Variants in ZHX3 observed in about 807,000 individuals in gnomAD.
The protein encoded by ZHX3 is zinc fingers and homeoboxes 3, also known as zinc fingers and homeoboxes protein 3.
A neutral mutation model predicts 64.5 loss-of-function variants in ZHX3; 20 were observed. The ratio of observed to expected loss-of-function variants is 0.31; its 90% CI spans 0.22 to 0.45. The LOEUF is 0.45. ZHX3 is among the 20% of genes least tolerant of loss of function. The pLI is 1.00. For missense variants in ZHX3, 1,041 were observed against 1,195.8 expected (o/e 0.87, Z 1.91); for synonymous variants, 423 against 461.6 (o/e 0.92, Z 1.07).
chr20:41,299,191 T>G (rs2044688468), intron 1 of ZHX3, among the ~76,000 whole-genome samples: 1 of 152,214 alleles, frequency 6.6e-6, no homozygotes, highest in African/African-American at 2.4e-5. Context: ...TGCTATTACA[T>G]TTACTTGGGC....
At chr20:41,316,490 C>G (rs999247047) in intron 1 of ZHX3, among the ~76,000 whole-genome samples, 6 of 152,146 alleles carry the variant, frequency 3.9e-5, no homozygotes, top group African/African-American at 1.4e-4. Flanking sequence ...ATTGAGATAA[C>G]AACACACAAG....
chr20:41,202,116 A>C lies in ZHX3; in HGVS notation c.2801T>G (p.Val934Gly), dbSNP rs924953853. Residue 934 changes from valine to glycine, a missense_variant, in exon 3 of 4, where the codon GTC becomes GGC. By Grantham distance (109) the Val-to-Gly change is moderately radical (BLOSUM62 -3). Around this residue, in one of 4 missense-constraint regions of ZHX3, gnomAD observed 649 missense variants for 739.8 expected, o/e 0.88. Coordinates refer to ENST00000683867, the MANE Select transcript of ZHX3 (RefSeq NM_001384317.1). The surrounding 1 kb of genome is among the most constrained non-coding windows in gnomAD (Gnocchi z 7.0). Reference protein sequence around the residue: ...SENSESWEPRVPEASSEPFDT... With the variant: ...SENSESWEPRGPEASSEPFDT... ...AAAGGGCTCTGAGCTGGCCTCAGGG[A>C]CACGGGGCTCCCACGACTCACTGTT... 2 of 1,613,708 alleles carry C rather than the reference A, an allele frequency of 1.2e-6. No homozygotes were observed. Among genetic ancestry groups the C allele is most frequent in the African/African-American group, 2.7e-5 (2 of 74,898 alleles).
At chr20:41,225,020 T>C (rs901611420) in intron 2 of ZHX3, among the ~76,000 whole-genome samples, 3 of 152,240 alleles carry the variant, frequency 2.0e-5, no homozygotes, top group African/African-American at 7.2e-5. Context: ...CCGTAGCATA[T>C]AGCACAATGT....
At chr20:41,293,726 T>C (rs1018514419) in intron 1 of ZHX3, among the ~76,000 whole-genome samples, 4 of 152,198 alleles carry the variant, frequency 2.6e-5, no homozygotes, top group Non-Finnish European at 4.4e-5. Flanking sequence ...AAAGAATGGC[T>C]GAACTGAAGG....
intron 2 of ZHX3, among the ~76,000 whole-genome samples, chr20:41,247,781 TATC>T: frequency 6.6e-6 from 1 of 152,298 alleles, no homozygotes; most frequent in South Asian, 2.1e-4. Flanking sequence ...CTAGAGCACA[TATC>T]ATTGTCTTCA....
At chr20:41,267,126 C>T (rs919075941) in intron 2 of ZHX3, among the ~76,000 whole-genome samples, 2 of 152,138 alleles carry the variant, frequency 1.3e-5, no homozygotes, top group African/African-American at 4.8e-5. Context: ...GGATTACAGG[C>T]GTGAGCCACC....
chr20:41,277,377 G>T (rs76585768), intron 1 of ZHX3, among the ~76,000 whole-genome samples: 4 of 152,100 alleles, frequency 2.6e-5, no homozygotes, highest in African/African-American at 7.2e-5. Flanking sequence ...TTAATGGCAC[G>T]AAGTCAGTTT....
intron 2 of ZHX3, among the ~76,000 whole-genome samples, chr20:41,246,923 A>G (rs2041726169): frequency 6.6e-6 from 1 of 151,856 alleles, no homozygotes; most frequent in Non-Finnish European, 1.5e-5. Flanking sequence ...ACTAATATCT[A>G]AATATTAGCA....
intron 2 of ZHX3, among the ~76,000 whole-genome samples, chr20:41,253,051 C>T (rs2042065078): frequency 6.6e-6 from 1 of 152,156 alleles, no homozygotes; most frequent in African/African-American, 2.4e-5. Flanking sequence ...CAAAGCCAAC[C>T]TTGACCTTAA....
chr20:41,310,078 C>T (rs564296836), intron 1 of ZHX3, among the ~76,000 whole-genome samples: 1 of 152,300 alleles, frequency 6.6e-6, no homozygotes, highest in African/African-American at 2.4e-5. Context: ...ATACCTTTAG[C>T]TATCACGTTA....
chr20:41,201,536 G>C lies in ZHX3; in HGVS notation c.2860+521C>G, dbSNP rs1416396637. Among the ~76,000 whole-genome samples, 1 of 152,232 alleles carries C rather than the reference G, an allele frequency of 6.6e-6. No homozygotes were observed. The highest frequency in any genetic ancestry group is 1.5e-5 in the Non-Finnish European group (1 of 68,036). On this transcript the variant is annotated intron_variant, in intron 3 of 3. Coordinates refer to ENST00000683867, the MANE Select transcript of ZHX3 (RefSeq NM_001384317.1). This position sits in a 1 kb window ranked among gnomAD's most constrained non-coding sequence, Gnocchi z 5.0. The stretch of plus-strand genomic sequence containing the variant: ...AGCTTTTGATTCCATGTATGTCAAA[G>C]AAGGAAGGTGATTTTCCATTATACT...
rs145104983 is a variant in ZHX3, at chr20:41,203,030, G to A, written c.1887C>T (p.Ser629=). The A allele has an allele frequency of 1.2e-5, 19 of 1,614,060 alleles. No individual in the cohort carries two copies. The highest frequency in any genetic ancestry group is 4.0e-5 in the African/African-American group (3 of 74,910). Residue 629 remains serine (S), a synonymous_variant, in exon 3 of 4, where the codon AGC becomes AGT. Transcript: ENST00000683867. The surrounding 1 kb of genome is among the most constrained non-coding windows in gnomAD (Gnocchi z 7.1). ...RAPEQLRALE[S]SFAQNPLPLD... ...GAGGAAGAGGGTTTTGTGCAAAACT[G>A]CTCTCCAGGGCTCTGAGCTGCTCAG... is the stretch of plus-strand genomic sequence containing the variant.
chr20:41,270,677 GAA>G (rs11317009), intron 1 of ZHX3, among the ~76,000 whole-genome samples: 102 of 138,894 alleles, frequency 7.3e-4, no homozygotes, highest in African/African-American at 1.5e-3. Flanking sequence ...CTCCGTCTCA[GAA>G]AAAAAAAAAA....
chr20:41,187,176 GTAA>G (rs1261607992), intron 3 of ZHX3, among the ~76,000 whole-genome samples: 3 of 151,796 alleles, frequency 2.0e-5, no homozygotes, highest in Non-Finnish European at 2.9e-5. Flanking sequence ...ACACAAAATA[GTAA>G]TAATAAAATT....
At chr20:41,210,789 T>C (rs2039101794) in intron 2 of ZHX3, among the ~76,000 whole-genome samples, 1 of 152,180 alleles carries the variant, frequency 6.6e-6, no homozygotes, top group Admixed American at 6.5e-5. Context: ...TGTATACCTA[T>C]GTAACAAACC....
At chr20:41,299,269 A>G (rs2044693594) in intron 1 of ZHX3, among the ~76,000 whole-genome samples, 1 of 152,200 alleles carries the variant, frequency 6.6e-6, no homozygotes, top group South Asian at 2.1e-4. Flanking sequence ...TTTTTCTTAA[A>G]GATAAATTAA....
intron 3 of ZHX3, among the ~76,000 whole-genome samples, chr20:41,187,814 T>C (rs2036653855): frequency 6.6e-6 from 1 of 152,234 alleles, no homozygotes; most frequent in African/African-American, 2.4e-5. Context: ...TACATATTTA[T>C]GGGGTACATG....
chr20:41,258,225 G>C (rs1206125250), intron 2 of ZHX3, among the ~76,000 whole-genome samples: 2 of 152,078 alleles, frequency 1.3e-5, no homozygotes, highest in South Asian at 4.1e-4. Flanking sequence ...AAATCATTTT[G>C]AGCTAATTTT....
intron 1 of ZHX3, among the ~76,000 whole-genome samples, chr20:41,285,496 T>C (rs1388009954): frequency 6.6e-6 from 1 of 152,242 alleles, no homozygotes; most frequent in Non-Finnish European, 1.5e-5. Flanking sequence ...ATGAGGGAGC[T>C]GAACTAGTTC....
Sources: allele counts gnomAD v4.1 joint callset (sites outside exome capture counted in the v4.1 genomes callset), GRCh38; gene constraint gnomAD v4.1.1; regional missense constraint gnomAD v4.1.1; non-coding constraint Gnocchi (gnomAD v3.1); transcripts MANE v1.5; gene names NCBI Gene and HGNC (gene_info 2026-07-23, HGNC 2026-07-21).